The following DNAH9 variants were observed in gnomAD, a reference collection of about 807,000 sequenced individuals.
DNAH9 encodes dynein axonemal heavy chain 9, also known as DNAH9 variant protein.
DNAH9 carries 345 observed loss-of-function variants against 471.6 expected under a neutral mutation model. The observed-to-expected ratio is 0.73, with a 90% CI of 0.67 to 0.80. The LOEUF (loss-of-function observed/expected upper bound fraction) is 0.80. Ranked by LOEUF, DNAH9 falls within the 30% of genes least tolerant of loss-of-function variation. DNAH9 has a pLI of 0.00. For synonymous variants in DNAH9, 2,093 were observed against 2,123.6 expected (o/e 0.99, Z 0.40); for missense variants, 5,407 against 5,609.2 (o/e 0.96, Z 1.15).
At chr17:11,895,748 C>T (rs1973198480) in intron 59 of DNAH9, among the ~76,000 whole-genome samples, 1 of 152,172 alleles carries the variant, frequency 6.6e-6, no homozygotes, top group South Asian at 2.1e-4. Flanking sequence ...GTATAATTTG[C>T]TGTCATCTCA....
rs145792851 is a variant in DNAH9, at chr17:11,688,082, C to CAAAAA, written c.3744-1470_3744-1466dup. ...CCGGGAGGCGGAGATTGCAGTAAGC[C>CAAAAA]AAAAAAAAAAAAAAAAAAGAAAAAG... is the stretch of plus-strand genomic sequence containing the variant. On this transcript the variant is annotated intron_variant, in intron 19 of 68. Transcript: ENST00000262442. 2.7e-3 allele frequency among the ~76,000 whole-genome samples: 160 copies of CAAAAA among 59,634 alleles called. 17 individuals are homozygous for CAAAAA. Among genetic ancestry groups the CAAAAA allele is most frequent in the African/African-American group, 8.6e-3 (129 of 15,086 alleles). 39.1% of individuals were successfully genotyped at this position (59,634 alleles called of 152,430 possible).
chr17:11,909,338 C>T (rs1296324034), intron 61 of DNAH9, among the ~76,000 whole-genome samples: 1 of 152,134 alleles, frequency 6.6e-6, no homozygotes, highest in African/African-American at 2.4e-5. Context: ...CTAAATCACA[C>T]ACCAAGCCAA....
intron 14 of DNAH9, among the ~76,000 whole-genome samples, chr17:11,661,313 CT>C (rs2073757237): frequency 6.6e-6 from 1 of 151,632 alleles, no homozygotes; most frequent in Non-Finnish European, 1.5e-5. Flanking sequence ...CTATTTGTTT[CT>C]TGGATTGAAA....
chr17:11,838,585 AG>A (rs1369772440), intron 49 of DNAH9, among the ~76,000 whole-genome samples: 1 of 152,138 alleles, frequency 6.6e-6, no homozygotes, highest in Non-Finnish European at 1.5e-5. Context: ...AGATGAATGA[AG>A]GGTGTGGTAT....
chr17:11,735,542 TCTCCTGC>T (rs1314045871), intron 28 of DNAH9, among the ~76,000 whole-genome samples: 10 of 152,082 alleles, frequency 6.6e-5, no homozygotes, highest in Non-Finnish European at 1.0e-4. Flanking sequence ...TTCAAGCGAT[TCTCCTGC>T]CTCCGCCTCC....
At chr17:11,814,363 A>G (rs1597685162) in intron 45 of DNAH9, among the ~76,000 whole-genome samples, 1 of 152,322 alleles carries the variant, frequency 6.6e-6, no homozygotes. Flanking sequence ...AAACCTAGTC[A>G]GCTCCAAGTG....
intron 49 of DNAH9, among the ~76,000 whole-genome samples, chr17:11,840,939 T>C (rs1225443511): frequency 2.0e-5 from 3 of 152,214 alleles, no homozygotes; most frequent in African/African-American, 7.2e-5. Flanking sequence ...AGTACATCCA[T>C]GTTGTTTTGA....
intron 56 of DNAH9, chr17:11,884,414 C>G (rs1972817854): frequency 3.1e-6 from 1 of 327,746 alleles, no homozygotes; most frequent in African/African-American, 2.2e-5. Context: ...AGGCCTTTTG[C>G]AGTCTCAGTC....
intron 48 of DNAH9, among the ~76,000 whole-genome samples, chr17:11,834,290 C>T (rs1414210404): frequency 8.3e-6 from 1 of 120,420 alleles, no homozygotes; most frequent in Admixed American, 1.1e-4. Context: ...GATCACGCCA[C>T]TGAATTCCAG....
chr17:11,794,530 C>A (rs765849592), intron 42 of DNAH9, among the ~76,000 whole-genome samples: 22 of 152,128 alleles, frequency 1.4e-4, no homozygotes, highest in Non-Finnish European at 8.8e-5. Context: ...CTTCTCCAGG[C>A]GAAATAGCCT....
chr17:11,940,934 C>A (rs2151045114), intron 66 of DNAH9, among the ~76,000 whole-genome samples: 1 of 152,300 alleles, frequency 6.6e-6, no homozygotes, highest in Non-Finnish European at 1.5e-5. Flanking sequence ...CAGAGCTTAA[C>A]TAGGCAAGAA....
At chr17:11,636,587 G>C (rs374886127) in intron 8 of DNAH9, 47 bp from the exon 9 acceptor site, 1 of 1,539,730 alleles carries the variant, frequency 6.5e-7, no homozygotes, top group South Asian at 1.1e-5. Context: ...CCATGGAAAG[G>C]TTTAATCTGT....
intron 45 of DNAH9, among the ~76,000 whole-genome samples, chr17:11,820,023 A>G (rs1009150958): frequency 6.6e-6 from 1 of 151,748 alleles, no homozygotes; most frequent in Non-Finnish European, 1.5e-5. Context: ...CATATTCTTG[A>G]TTTGAAAGAG....
chr17:11,928,134 C>CATTT (rs1555525768), intron 62 of DNAH9, among the ~76,000 whole-genome samples: 2 of 148,964 alleles, frequency 1.3e-5, no homozygotes, highest in African/African-American at 2.5e-5. Context: ...TTCATTCATT[C>CATTT]ATTTATTTAT....
At chr17:11,740,127 C>T (rs187082804) in intron 29 of DNAH9, among the ~76,000 whole-genome samples, 8 of 152,300 alleles carry the variant, frequency 5.3e-5, no homozygotes, top group African/African-American at 1.9e-4. Context: ...GCTGTCTAAA[C>T]GGGTGCTACA....
intron 43 of DNAH9, among the ~76,000 whole-genome samples, chr17:11,798,820 A>C (rs761614102): frequency 6.6e-6 from 1 of 151,910 alleles, no homozygotes; most frequent in Admixed American, 6.6e-5. Context: ...TCCCCATTCT[A>C]TGTGCCCCAG....
At chr17:11,610,716 T>G (rs1220944065) in intron 3 of DNAH9, among the ~76,000 whole-genome samples, 162 bp downstream of exon 3, 1 of 152,214 alleles carries the variant, frequency 6.6e-6, no homozygotes, top group African/African-American at 2.4e-5. Flanking sequence ...TCAAGAGAGT[T>G]TTTTGATAGA....
intron 68 of DNAH9, among the ~76,000 whole-genome samples, chr17:11,965,044 C>T (rs1271992327): frequency 1.3e-5 from 2 of 152,134 alleles, no homozygotes; most frequent in Admixed American, 6.6e-5. Context: ...GTGGTGCAAA[C>T]AGTAGGCTAA....
rs1224818374 is a variant in DNAH9, at chr17:11,797,581, T to C, written c.8224-16T>C. 6.2e-7 allele frequency: 1 copy of C among 1,600,840 alleles called. No individual in the cohort carries two copies. Among genetic ancestry groups the C allele is most frequent in the Admixed American group, 1.7e-5 (1 of 58,904 alleles). On this transcript the variant is annotated splice_polypyrimidine_tract_variant and intron_variant, in intron 42 of 68. Coordinates refer to ENST00000262442, the MANE Select transcript of DNAH9 (RefSeq NM_001372.4). ...AGTCAATAATGAGGGCCCTTATTCCTGTGTCTCATCACCAGGATATTGAAG... is the reference window on the plus strand; with the variant it reads ...AGTCAATAATGAGGGCCCTTATTCCCGTGTCTCATCACCAGGATATTGAAG...
Sources: gnomAD v4.1 joint callset for allele counts (sites outside exome capture counted in the v4.1 genomes callset) on GRCh38, gnomAD v4.1.1 for gene constraint, MANE v1.5 for transcripts, NCBI Gene and HGNC (gene_info 2026-07-23, HGNC 2026-07-21) for gene names.